The following PPHLN1 variants were observed in gnomAD, a reference collection of about 807,000 sequenced individuals.
PPHLN1 encodes periphilin-1.
In PPHLN1, 29 loss-of-function variants were observed where a neutral mutation model predicts 51.3. That is an observed-to-expected ratio of 0.57 (90% CI 0.42 to 0.77). The LOEUF (loss-of-function observed/expected upper bound fraction) is 0.77. Ranked by LOEUF, PPHLN1 falls within the 30% of genes least tolerant of loss-of-function variation. PPHLN1 has a pLI of 0.00. For synonymous variants in PPHLN1, 147 were observed against 147.8 expected (o/e 0.99, Z 0.04); for missense variants, 436 against 438.4 (o/e 0.99, Z 0.05).
chr12:42,341,156 A>AT (rs995116738), intron 2 of PPHLN1, among the ~76,000 whole-genome samples: 10 of 151,222 alleles, frequency 6.6e-5, no homozygotes, highest in African/African-American at 2.2e-4. Context: ...TATTTTTTGT[A>AT]TTTTTTAGTA....
chr12:42,433,659 T>C (rs2082239484), intron 9 of PPHLN1, among the ~76,000 whole-genome samples: 4 of 152,182 alleles, frequency 2.6e-5, no homozygotes, highest in Admixed American at 2.6e-4. Flanking sequence ...GGAAATAAAA[T>C]GTTATTAAGA....
intron 4 of PPHLN1, among the ~76,000 whole-genome samples, chr12:42,359,055 T>C (rs1369595710): frequency 2.6e-5 from 4 of 152,194 alleles, no homozygotes; most frequent in Non-Finnish European, 1.5e-5. Context: ...CTTTAAGTAG[T>C]GCCATGACAG....
chr12:42,344,033 G>A, intron 2 of PPHLN1: 1 of 300,780 alleles, frequency 3.3e-6, no homozygotes. Context: ...ATTTTAGTTA[G>A]GTGTGGTTTG....
chr12:42,425,674 A>T (rs2081395454), intron 9 of PPHLN1, among the ~76,000 whole-genome samples: 1 of 152,232 alleles, frequency 6.6e-6, no homozygotes, highest in African/African-American at 2.4e-5. Context: ...GGCGTGAGCC[A>T]CTGTGCCCAG....
At chr12:42,362,537 T>G (rs946933745) in intron 4 of PPHLN1, among the ~76,000 whole-genome samples, 2 of 152,230 alleles carry the variant, frequency 1.3e-5, no homozygotes, top group Admixed American at 6.5e-5. Context: ...CTTCTTAGGC[T>G]TCTCTGCCTC....
chr12:42,327,542 A>G (rs1270649311), intron 1 of PPHLN1, among the ~76,000 whole-genome samples: 4 of 152,172 alleles, frequency 2.6e-5, no homozygotes, highest in Admixed American at 2.0e-4. Flanking sequence ...GATAACTTCT[A>G]TTAAAGATCT....
At chr12:42,350,489 C>T (rs963313565) in intron 2 of PPHLN1, among the ~76,000 whole-genome samples, 5 of 151,428 alleles carry the variant, frequency 3.3e-5, no homozygotes, top group Non-Finnish European at 7.4e-5. Flanking sequence ...GAGTGGGCGA[C>T]TGGGCAGAGG....
rs1222852858 is a variant in PPHLN1 at position 42,442,098 on chromosome 12, T to C, written c.*589T>C. On this transcript the variant is annotated 3_prime_UTR_variant, in exon 10 of 10. Coordinates refer to ENST00000358314, the MANE Select transcript of PPHLN1 (RefSeq NM_201439.2). ...TTACAATAATCCTGAAACTCCTGAC[T>C]CTCTCACTGATGTATGAGTCTTAAA... The C allele has an allele frequency of 2.6e-6, 1 of 383,514 alleles. No homozygotes were observed. Among genetic ancestry groups the C allele is most frequent in the African/African-American group, 2.2e-5 (1 of 45,600 alleles). 23.8% of individuals were successfully genotyped at this position (383,514 alleles called of 1,614,324 possible).
downstream of PPHLN1, chr12:42,446,394 C>A: frequency 7.0e-7 from 1 of 1,437,070 alleles, no homozygotes; most frequent in East Asian, 2.3e-5. Flanking sequence ...ATTCCCTTCC[C>A]AGCGTCTAGC....
Position 42,419,053 on chromosome 12 carries a change from A to C in PPHLN1, c.909+20059A>C, listed in dbSNP as rs181392436. On this transcript the variant is annotated intron_variant, in intron 9 of 9. Transcript: ENST00000358314. ...AATCATTATTTGTCAGTTAAAAATA[A>C]AATTTAAAATAAAAACAAAGAAATT... Among the ~76,000 whole-genome samples, 1,033 of 152,322 alleles carry C rather than the reference A, an allele frequency of 6.8e-3. 2 individuals are homozygous for C. The highest frequency in any genetic ancestry group is 0.012 in the Non-Finnish European group (849 of 68,022).
intron 8 of PPHLN1, 107 bp downstream of exon 8, chr12:42,393,796 T>G (rs1332433481): frequency 5.4e-6 from 6 of 1,119,062 alleles, no homozygotes; most frequent in Non-Finnish European, 7.4e-6. Flanking sequence ...AATATATCCT[T>G]ATGGATTACA....
chr12:42,332,175 G>A (rs960418395), intron 1 of PPHLN1, among the ~76,000 whole-genome samples: 2 of 152,012 alleles, frequency 1.3e-5, no homozygotes, highest in Admixed American at 6.6e-5. Context: ...CTGCATTCCC[G>A]CCTGGGCAAC....
At chr12:42,391,385 C>G (rs1443873739) in intron 7 of PPHLN1, among the ~76,000 whole-genome samples, 1 of 151,996 alleles carries the variant, frequency 6.6e-6, no homozygotes, top group Non-Finnish European at 1.5e-5. Context: ...ATTACAGGCG[C>G]CTGCCACCAC....
rs1182879363 is a variant in PPHLN1, at chr12:42,398,895, A to G, written c.810A>G (p.Glu270=). Residue 270 remains glutamate, a synonymous_variant, in exon 9 of 10, where the codon GAA becomes GAG. Transcript: ENST00000358314. ...TAPLFTDQPE[E]PESNTTHGIE... is the part of the protein sequence containing the mutation. ...CATTGTTTACTGACCAGCCAGAGGAACCTGAGTCAAACACAACACATGGGA... is the reference window on the plus strand; with the variant it reads ...CATTGTTTACTGACCAGCCAGAGGAGCCTGAGTCAAACACAACACATGGGA... 6.2e-7 allele frequency: 1 copy of G among 1,614,112 alleles called. No individual in the cohort carries two copies. The highest frequency in any genetic ancestry group is 1.1e-5 in the South Asian group (1 of 91,080).
At chr12:42,349,865 T>C (rs558675133) in intron 2 of PPHLN1, among the ~76,000 whole-genome samples, 3 of 152,322 alleles carry the variant, frequency 2.0e-5, no homozygotes, top group African/African-American at 7.2e-5. Flanking sequence ...TTTCCCCCTT[T>C]TCTATTTGAC....
At chr12:42,398,017 A>G (rs1267514638) in intron 8 of PPHLN1, among the ~76,000 whole-genome samples, 2 of 151,916 alleles carry the variant, frequency 1.3e-5, no homozygotes, top group South Asian at 2.1e-4. Flanking sequence ...TGTGTCAGAA[A>G]TTCAAATGAC....
chr12:42,338,263 T>C (rs932735954), intron 2 of PPHLN1, among the ~76,000 whole-genome samples: 1 of 152,228 alleles, frequency 6.6e-6, no homozygotes, highest in Non-Finnish European at 1.5e-5. Context: ...TTGAAGATAC[T>C]TAAAAGGGTT....
chr12:42,415,719 T>C (rs955705845), intron 9 of PPHLN1, among the ~76,000 whole-genome samples: 7 of 152,250 alleles, frequency 4.6e-5, no homozygotes, highest in Admixed American at 1.3e-4. Flanking sequence ...TTTAAAAGAA[T>C]GTGTTTCCAA....
At chr12:42,327,966 C>T (rs2069064373) in intron 1 of PPHLN1, among the ~76,000 whole-genome samples, 1 of 151,916 alleles carries the variant, frequency 6.6e-6, no homozygotes, top group African/African-American at 2.4e-5. Flanking sequence ...TTGGAAATAC[C>T]ATTTTTTAAA....
Sources: gnomAD v4.1 joint callset for allele counts (sites outside exome capture counted in the v4.1 genomes callset) on GRCh38, gnomAD v4.1.1 for gene constraint, MANE v1.5 for transcripts, NCBI Gene and HGNC (gene_info 2026-07-23, HGNC 2026-07-21) for gene names.